TMEM232: variants seen among roughly 807,000 people sequenced by gnomAD.
TMEM232 encodes the protein transmembrane protein 232.
Under a neutral mutation model 78.8 loss-of-function variants are expected in TMEM232, and 80 were observed. The ratio of observed to expected loss-of-function variants is 1.01; its 90% CI spans 0.85 to 1.22. The LOEUF (loss-of-function observed/expected upper bound fraction) is 1.22. Among genes scored for constraint, TMEM232 ranks in the 50% most tolerant of loss-of-function variants. The probability of loss-of-function intolerance (pLI) is 0.00; values close to 1 mark genes in which losing one functional copy is unlikely to be tolerated. For synonymous variants in TMEM232, 297 were observed against 254.3 expected, an observed-to-expected ratio of 1.17 and a Z score of -1.60; for missense variants, 881 against 742.2, an observed-to-expected ratio of 1.19 and a Z score of -2.17.
intron 12 of TMEM232, among the ~76,000 whole-genome samples, chr5:110,478,841 A>G (rs1406735633): frequency 1.3e-5 from 2 of 149,808 alleles, no homozygotes; most frequent in Non-Finnish European, 3.0e-5. Flanking sequence ...TGTTTTGTCT[A>G]TGCATTGTTG....
chr5:110,540,317 G>A (rs568415273), intron 11 of TMEM232, among the ~76,000 whole-genome samples: 1 of 152,194 alleles, frequency 6.6e-6, no homozygotes, highest in South Asian at 2.1e-4. Context: ...AGCCACTGAA[G>A]TCACCCTAGG....
At chr5:110,495,701 G>C (rs1033181817) in intron 12 of TMEM232, among the ~76,000 whole-genome samples, 2 of 151,526 alleles carry the variant, frequency 1.3e-5, no homozygotes, top group African/African-American at 4.8e-5. Flanking sequence ...TTGACTCCAG[G>C]AAATAAACAC....
At chr5:110,399,026 A>G (rs1057266675) in intron 2 of TMEM232, among the ~76,000 whole-genome samples, 4 of 152,040 alleles carry the variant, frequency 2.6e-5, no homozygotes, top group African/African-American at 9.7e-5. Flanking sequence ...CAGCCCTCCA[A>G]ATATTCTGTG....
chr5:110,592,510 T>C (rs1403605870), intron 10 of TMEM232, among the ~76,000 whole-genome samples: 1 of 152,156 alleles, frequency 6.6e-6, no homozygotes, highest in Non-Finnish European at 1.5e-5. Flanking sequence ...CTATCCTCTT[T>C]AATGCAGATC....
At chr5:110,479,146 T>C (rs1763582730) in intron 12 of TMEM232, among the ~76,000 whole-genome samples, 1 of 151,718 alleles carries the variant, frequency 6.6e-6, no homozygotes, top group Admixed American at 6.6e-5. Flanking sequence ...TCATGACTCA[T>C]AGTAAGTGAT....
intron 2 of TMEM232, among the ~76,000 whole-genome samples, chr5:110,657,840 T>C (rs907091277): frequency 3.3e-5 from 5 of 152,122 alleles, no homozygotes; most frequent in Non-Finnish European, 5.9e-5. Context: ...ACCCAGATTT[T>C]AGGGTGCTAA....
chr5:110,512,661 A>G (rs755054281), intron 12 of TMEM232, among the ~76,000 whole-genome samples: 28 of 152,336 alleles, frequency 1.8e-4, no homozygotes, highest in Middle Eastern at 6.8e-3. Context: ...CATTCTAATT[A>G]AGCAGTTAAT....
At position 110,522,349 on chromosome 5, in the gene TMEM232, G is replaced by T. The variant is rs138172224; in HGVS notation, c.1703+6239C>A. ...GTCTCTAGGGTTACATATATATAAGGTCATATCACCTGAAAACAGGGACAG... is the reference window on the plus strand; with the variant it reads ...GTCTCTAGGGTTACATATATATAAGTTCATATCACCTGAAAACAGGGACAG... On this transcript the variant is annotated intron_variant, in intron 12 of 13. Transcript: ENST00000455884. Among the ~76,000 whole-genome samples, 960 of 152,144 alleles carry T rather than the reference G, an allele frequency of 6.3e-3. 20 individuals carry two copies. Among genetic ancestry groups the T allele is most frequent in the African/African-American group, 0.021 (889 of 41,518 alleles).
chr5:110,540,996 C>A (rs1018974215), intron 11 of TMEM232, among the ~76,000 whole-genome samples: 1 of 152,122 alleles, frequency 6.6e-6, no homozygotes, highest in African/African-American at 2.4e-5. Context: ...GACAGAGAAG[C>A]CAAAGGCACA....
chr5:110,512,237 C>A lies in TMEM232; in HGVS notation c.1703+16351G>T, dbSNP rs10075198. Among the ~76,000 whole-genome samples, 553 of 152,214 alleles carry A rather than the reference C, an allele frequency of 3.6e-3. 3 individuals are homozygous for A. The highest frequency in any genetic ancestry group is 0.012 in the African/African-American group (518 of 41,524). ...TTAAGTACTATATCTGAGACATTTG[C>A]TTTCATAGTATCTGGCCTATATTAG... is the stretch of plus-strand genomic sequence containing the variant. On this transcript the variant is annotated intron_variant, in intron 12 of 13. Transcript: ENST00000455884.
intron 12 of TMEM232, among the ~76,000 whole-genome samples, chr5:110,503,075 G>T (rs1766449869): frequency 1.3e-5 from 2 of 152,100 alleles, no homozygotes; most frequent in East Asian, 3.9e-4. Flanking sequence ...TTAGCATGGT[G>T]CCTAGCCTAC....
At chr5:110,729,172 A>G (rs1798437723), upstream of TMEM232, among the ~76,000 whole-genome samples, 1 of 152,196 alleles carries the variant, frequency 6.6e-6, no homozygotes, top group Non-Finnish European at 1.5e-5. Context: ...GGCGTGAGCC[A>G]CCGTGCCTGG....
intron 2 of TMEM232, among the ~76,000 whole-genome samples, chr5:110,662,359 T>G (rs761422695): frequency 2.7e-4 from 41 of 152,252 alleles, no homozygotes; most frequent in Middle Eastern, 3.4e-3. Context: ...GAAAATTTCA[T>G]AAATAACTAA....
chr5:110,699,065 C>T (rs1212143476), intron 1 of TMEM232, among the ~76,000 whole-genome samples: 2 of 149,322 alleles, frequency 1.3e-5, no homozygotes, highest in African/African-American at 5.0e-5. Flanking sequence ...CAAAACAAAA[C>T]AAAACAAAAC....
intron 1 of TMEM232, among the ~76,000 whole-genome samples, chr5:110,692,180 A>G (rs1023082881): frequency 2.0e-5 from 3 of 152,114 alleles, no homozygotes; most frequent in Non-Finnish European, 2.9e-5. Context: ...TCGGCCTCCA[A>G]AAGTGCTGGC....
At chr5:110,573,724 G>A (rs1777224666) in intron 10 of TMEM232, among the ~76,000 whole-genome samples, 1 of 152,078 alleles carries the variant, frequency 6.6e-6, no homozygotes, top group Non-Finnish European at 1.5e-5. Context: ...ACTTCCATGA[G>A]GAGGTGATAT....
intron 12 of TMEM232, among the ~76,000 whole-genome samples, chr5:110,520,895 G>A (rs554896997): frequency 1.4e-4 from 21 of 152,108 alleles, no homozygotes; most frequent in Non-Finnish European, 2.6e-4. Context: ...TACAGCCTGG[G>A]TAATAAGTGC....
At chr5:110,706,667 T>C (rs1795961191) in intron 1 of TMEM232, among the ~76,000 whole-genome samples, 1 of 152,158 alleles carries the variant, frequency 6.6e-6, no homozygotes, top group African/African-American at 2.4e-5. Context: ...TGAATATTCT[T>C]CCACCCAGCT....
intron 8 of TMEM232, among the ~76,000 whole-genome samples, chr5:110,608,925 C>T (rs77383426): frequency 0.026 from 4,002 of 151,882 alleles, 179 homozygotes; most frequent in African/African-American, 0.091. Context: ...TAAAGTTGTA[C>T]AAAATAATAT....
Sources: allele counts gnomAD v4.1 joint callset (sites outside exome capture counted in the v4.1 genomes callset), GRCh38; gene constraint gnomAD v4.1.1; transcripts MANE v1.5; gene names NCBI Gene and HGNC (gene_info 2026-07-23, HGNC 2026-07-21).